Variants in FSTL1 observed in about 807,000 individuals in gnomAD.
FSTL1 encodes follistatin like 1.
A neutral mutation model predicts 45.9 loss-of-function variants in FSTL1; 24 were observed. The observed-to-expected ratio is 0.52, with a 90% CI of 0.38 to 0.74. FSTL1 has a LOEUF of 0.74. FSTL1 is among the 30% of genes least tolerant of loss of function. The pLI, the probability that FSTL1 is intolerant of heterozygous loss-of-function variation, is 0.00. For missense variants in FSTL1, 340 were observed against 381.8 expected, an observed-to-expected ratio of 0.89 and a Z score of 0.91; for synonymous variants, 120 against 137.6, an observed-to-expected ratio of 0.87 and a Z score of 0.89.
intron 8 of FSTL1, 96 bp from the exon 9 acceptor site, chr3:120,403,014 A>G: frequency 1.2e-6 from 1 of 846,450 alleles, no homozygotes; most frequent in Non-Finnish European, 2.1e-6. Context: ...TTTCCCAGAC[A>G]AGACCTGCCT....
intron 5 of FSTL1, chr3:120,410,562 A>G (rs1281274791): frequency 5.8e-6 from 2 of 346,640 alleles, no homozygotes; most frequent in Non-Finnish European, 1.1e-5. Flanking sequence ...ACTAATAGAA[A>G]ACCACAGAAG....
intron 2 of FSTL1, among the ~76,000 whole-genome samples, chr3:120,428,364 G>T (rs762803902): frequency 2.6e-5 from 4 of 152,184 alleles, no homozygotes; most frequent in African/African-American, 9.7e-5. Context: ...GGGGATAGTA[G>T]GGATGTCAGG....
intron 2 of FSTL1, among the ~76,000 whole-genome samples, chr3:120,424,520 G>A (rs1392184658): frequency 6.6e-6 from 1 of 152,166 alleles, no homozygotes; most frequent in Non-Finnish European, 1.5e-5. Context: ...AGGTTTTTGA[G>A]CAGGAGAGTG....
chr3:120,412,235 C>T (rs904774480), intron 3 of FSTL1, among the ~76,000 whole-genome samples: 1 of 152,220 alleles, frequency 6.6e-6, no homozygotes, highest in Non-Finnish European at 1.5e-5. Flanking sequence ...AAGAAAGAGA[C>T]ACCCTCTATA....
chr3:120,448,755 TGCTGGGGGAACTTCCTACCAGGGATAA>T (rs1345744243), intron 2 of FSTL1, among the ~76,000 whole-genome samples: 3 of 152,330 alleles, frequency 2.0e-5, no homozygotes, highest in African/African-American at 7.2e-5. Context: ...AGGAAATTGC[TGCTGGGGGAACTTCCTACCAGGGATAA>T]GTTTTCCCTG....
chr3:120,447,714 T>C (rs1276245330), intron 2 of FSTL1, among the ~76,000 whole-genome samples: 1 of 152,244 alleles, frequency 6.6e-6, no homozygotes. Context: ...AGTGGCACCA[T>C]CACGGCTCAC....
intron 2 of FSTL1, among the ~76,000 whole-genome samples, chr3:120,430,204 G>A (rs1295676771): frequency 1.3e-5 from 2 of 152,196 alleles, no homozygotes; most frequent in East Asian, 3.8e-4. Context: ...GGCCCACCCA[G>A]AGTGCGTCTC....
chr3:120,424,542 A>G (rs116111919), intron 2 of FSTL1, among the ~76,000 whole-genome samples: 1,551 of 152,278 alleles, frequency 0.01, 22 homozygotes, highest in Non-Finnish European at 0.013. Flanking sequence ...TAAGAAAAAC[A>G]TTTGAACAGT....
chr3:120,397,109 G>A (rs1936717843), intron 10 of FSTL1, 113 bp from the exon 11 acceptor site: 3 of 889,014 alleles, frequency 3.4e-6, no homozygotes, highest in Non-Finnish European at 5.7e-6. Context: ...CTGAATTTTA[G>A]TTGTTTACTT....
intron 2 of FSTL1, among the ~76,000 whole-genome samples, chr3:120,428,458 C>T (rs1937421387): frequency 6.6e-6 from 1 of 152,196 alleles, no homozygotes; most frequent in Non-Finnish European, 1.5e-5. Flanking sequence ...ACAGGCCGGG[C>T]ACAGTGGCTC....
chr3:120,442,133 G>A (rs1239199875), intron 2 of FSTL1, among the ~76,000 whole-genome samples: 2 of 152,220 alleles, frequency 1.3e-5, no homozygotes, highest in African/African-American at 4.8e-5. Context: ...ATCTCTTGCA[G>A]GTATTTGTTT....
chr3:120,405,699 C>T (rs1349436397), intron 6 of FSTL1, among the ~76,000 whole-genome samples: 1 of 152,218 alleles, frequency 6.6e-6, no homozygotes, highest in Non-Finnish European at 1.5e-5. Flanking sequence ...CAGCTGGCAT[C>T]CCACAAGCAC....
chr3:120,424,287 G>C (rs1186596750), intron 2 of FSTL1, among the ~76,000 whole-genome samples: 1 of 152,190 alleles, frequency 6.6e-6, no homozygotes, highest in African/African-American at 2.4e-5. Flanking sequence ...GGGTGACAGA[G>C]TGAGACCCTG....
chr3:120,431,837 G>A (rs1255965722), intron 2 of FSTL1, among the ~76,000 whole-genome samples: 1 of 152,168 alleles, frequency 6.6e-6, no homozygotes, highest in African/African-American at 2.4e-5. Context: ...AAGGCAGCAT[G>A]TCAGGCTGCA....
chr3:120,424,347 G>T (rs1449842942), intron 2 of FSTL1, among the ~76,000 whole-genome samples: 1 of 152,156 alleles, frequency 6.6e-6, no homozygotes, highest in Non-Finnish European at 1.5e-5. Context: ...GGATGTGGCT[G>T]CCCCCACCAC....
chr3:120,429,428 A>G (rs1366061253), intron 2 of FSTL1, among the ~76,000 whole-genome samples: 1 of 152,242 alleles, frequency 6.6e-6, no homozygotes, highest in South Asian at 2.1e-4. Flanking sequence ...AAACCTTTTA[A>G]ACAGACACAC....
rs1447512589 is a variant in FSTL1, at chr3:120,403,419, A to T, written c.582-65T>A. Reference sequence around the variant, plus strand: ...AGCTTCGCTCAGAAGAAAGGAAGTAAGCATCAGGACCACATACACCCAGGG... The same window carrying T: ...AGCTTCGCTCAGAAGAAAGGAAGTATGCATCAGGACCACATACACCCAGGG... On this transcript the variant is annotated intron_variant, in intron 7 of 10. Transcript: ENST00000295633. 3.0e-6 allele frequency: 3 copies of T among 1,007,090 alleles called. No individual in the cohort carries two copies. The East Asian group carries it at 7.1e-5, about 24-fold the overall frequency. 62.4% of individuals were successfully genotyped at this position (1,007,090 alleles called of 1,614,324 possible).
chr3:120,422,230 A>T (rs1332487806), intron 2 of FSTL1, among the ~76,000 whole-genome samples: 2 of 152,246 alleles, frequency 1.3e-5, no homozygotes, highest in Non-Finnish European at 2.9e-5. Context: ...CGGTTATGCA[A>T]GATGAGTAAT....
At chr3:120,397,152 A>AG (rs1183546042) in intron 10 of FSTL1, among the ~76,000 whole-genome samples, 156 bp from the exon 11 acceptor site, 3 of 152,256 alleles carry the variant, frequency 2.0e-5, no homozygotes, top group Non-Finnish European at 2.9e-5. Flanking sequence ...GAACAATTTG[A>AG]GAACAAGAAC....
Sources: allele counts gnomAD v4.1 joint callset (sites outside exome capture counted in the v4.1 genomes callset), GRCh38; gene constraint gnomAD v4.1.1; transcripts MANE v1.5; gene names NCBI Gene and HGNC (gene_info 2026-07-23, HGNC 2026-07-21).